Variants in NCAPH observed in about 807,000 individuals in gnomAD.
NCAPH encodes condensin complex subunit 2.
NCAPH carries 38 observed loss-of-function variants against 85.5 expected under a neutral mutation model. The observed-to-expected ratio is 0.44, with a 90% CI of 0.34 to 0.58. NCAPH has a LOEUF of 0.58. Ranked by LOEUF, NCAPH falls within the 20% of genes least tolerant of loss-of-function variation. The probability of loss-of-function intolerance (pLI) is 0.01; values close to 1 mark genes in which losing one functional copy is unlikely to be tolerated. For missense variants in NCAPH, 789 were observed against 916.6 expected (o/e 0.86, Z 1.80); for synonymous variants, 301 against 335.1 (o/e 0.90, Z 1.11).
chr2:96,372,919 T>C (rs1270891076), intron 17 of NCAPH, among the ~76,000 whole-genome samples: 1 of 152,130 alleles, frequency 6.6e-6, no homozygotes, highest in Non-Finnish European at 1.5e-5. Flanking sequence ...CCGGGGGCCT[T>C]GGAACACCCC....
chr2:96,368,150 C>A (rs2064724765), intron 15 of NCAPH, among the ~76,000 whole-genome samples: 1 of 152,148 alleles, frequency 6.6e-6, no homozygotes, highest in African/African-American at 2.4e-5. Context: ...GAGTTTAGAC[C>A]TTCTGTAGCT....
chr2:96,366,718 AATACAAAAATT>A, intron 14 of NCAPH, among the ~76,000 whole-genome samples: 2 of 152,078 alleles, frequency 1.3e-5, no homozygotes. Context: ...CTTTAATAAA[AATACAAAAATT>A]AGCTGGGCAT....
intron 17 of NCAPH, among the ~76,000 whole-genome samples, chr2:96,371,280 C>T (rs142584932): frequency 1.8e-4 from 28 of 152,196 alleles, no homozygotes; most frequent in Non-Finnish European, 3.1e-4. Flanking sequence ...GGTCTCCTAG[C>T]ACATCAGGCT....
At position 96,354,187 on chromosome 2, in the gene NCAPH, T is replaced by C; in HGVS notation, c.1007T>C (p.Val336Ala). The C allele has an allele frequency of 6.2e-7, 1 of 1,613,460 alleles. No individual in the cohort carries two copies. The highest frequency in any genetic ancestry group is 8.5e-7 in the Non-Finnish European group (1 of 1,179,760). Residue 336 changes from valine to alanine, a missense_variant, in exon 9 of 18, where the codon GTG (valine) becomes GCG (alanine). Coordinates refer to ENST00000240423, the MANE Select transcript of NCAPH (RefSeq NM_015341.5). ...QWDSETHNES[V>A]SALVDKFKKN... Reference sequence around the variant, plus strand: ...AACCCTCTTTTGTCCCTCCAGTCTGTGTCGGCCCTGGTAGACAAGTTTAAG... The same window carrying C: ...AACCCTCTTTTGTCCCTCCAGTCTGCGTCGGCCCTGGTAGACAAGTTTAAG...
chr2:96,344,074 T>C (rs576396549), intron 5 of NCAPH, 31 bp from the exon 6 acceptor site: 1 of 1,596,144 alleles, frequency 6.3e-7, no homozygotes, highest in African/African-American at 1.4e-5. Context: ...AAAGCAGCCC[T>C]TGCAGTACGC....
At chr2:96,365,817 G>C in intron 13 of NCAPH, 59 bp from the exon 14 acceptor site, 1 of 1,536,936 alleles carries the variant, frequency 6.5e-7, no homozygotes, top group Non-Finnish European at 9.0e-7. Flanking sequence ...TCTATTTCAA[G>C]GGTGTTTCTG....
chr2:96,336,550 G>C (rs1233980074), intron 1 of NCAPH, among the ~76,000 whole-genome samples: 1 of 152,226 alleles, frequency 6.6e-6, no homozygotes, highest in Non-Finnish European at 1.5e-5. Context: ...TTGTGACCAA[G>C]CTTAGTGAGG....
chr2:96,364,180 T>G (rs937096656), intron 12 of NCAPH, among the ~76,000 whole-genome samples: 5 of 152,214 alleles, frequency 3.3e-5, no homozygotes, highest in African/African-American at 1.2e-4. Context: ...TTTCCAACTT[T>G]TGTTTTTAGT....
At position 96,358,796 on chromosome 2, in the gene NCAPH, T is replaced by C. The variant is rs549625695; in HGVS notation, c.1209-249T>C. ...AGAATTCTCTTTACTTTTGTCATCT[T>C]GTCTCTCAAATTAGGTAGACTAGCA... On this transcript the variant is annotated intron_variant, in intron 9 of 17. Coordinates refer to ENST00000240423, the MANE Select transcript of NCAPH (RefSeq NM_015341.5). Among the ~76,000 whole-genome samples, 9 of 152,320 alleles carry C rather than the reference T, an allele frequency of 5.9e-5. No homozygotes were observed. In the South Asian group the frequency reaches 1.9e-3, roughly 32 times the overall value.
intron 12 of NCAPH, among the ~76,000 whole-genome samples, chr2:96,362,235 A>C (rs575877802): frequency 3.3e-5 from 5 of 151,026 alleles, no homozygotes; most frequent in Admixed American, 2.6e-4. Flanking sequence ...AGCAAAACAA[A>C]AAAAAAATTG....
chr2:96,344,784 T>C (rs1009390062), intron 6 of NCAPH, among the ~76,000 whole-genome samples: 3 of 152,232 alleles, frequency 2.0e-5, no homozygotes, highest in African/African-American at 7.2e-5. Flanking sequence ...TCATCTATAA[T>C]TAGCACAGTT....
intron 7 of NCAPH, among the ~76,000 whole-genome samples, 173 bp from the exon 8 acceptor site, chr2:96,353,133 A>C (rs1188525200): frequency 6.6e-6 from 1 of 152,262 alleles, no homozygotes; most frequent in Non-Finnish European, 1.5e-5. Flanking sequence ...CAGAAGAGGC[A>C]GGGACACAGA....
In NCAPH at chr2:96,354,295, A is replaced by G; in HGVS notation, c.1115A>G (p.Asp372Gly). The G allele has an allele frequency of 6.2e-7, 1 of 1,614,062 alleles. No homozygotes were observed. Among genetic ancestry groups the G allele is most frequent in the Non-Finnish European group, 8.5e-7 (1 of 1,179,998 alleles). The change falls in exon 9 of 18, where the codon GAC (aspartate) becomes GGC (glycine). Residue 372 changes from aspartate to glycine, a missense_variant. Asp to Gly is a moderately conservative substitution (Grantham distance 94, BLOSUM62 -1). Transcript: ENST00000240423. ...TTCCCCGATGGGTCCCTGGGGGATG[A>G]CTTTGATGCCAACGATGAACCTGAC... ...GDFPDGSLGDDFDANDEPDHT... is the reference protein window; with the variant it reads ...GDFPDGSLGDGFDANDEPDHT...
intron 6 of NCAPH, among the ~76,000 whole-genome samples, chr2:96,344,852 A>G (rs926315867): frequency 2.0e-5 from 3 of 152,242 alleles, no homozygotes; most frequent in Non-Finnish European, 2.9e-5. Context: ...CATTAAAAAC[A>G]TTGTTTCAGT....
At chr2:96,345,869 T>A (rs1024636855) in intron 6 of NCAPH, among the ~76,000 whole-genome samples, 1 of 152,222 alleles carries the variant, frequency 6.6e-6, no homozygotes, top group Admixed American at 6.5e-5. Flanking sequence ...ATTTTTTTTA[T>A]GATAAATGGG....
rs939066659 is a variant in NCAPH, at chr2:96,374,554, G to A, written c.*1203G>A. Among the ~76,000 whole-genome samples, 8 of 152,254 alleles carry A rather than the reference G, an allele frequency of 5.3e-5. No individual in the cohort carries two copies. The highest frequency in any genetic ancestry group is 2.1e-4 in the South Asian group (1 of 4,820). ...GCCAGAAGCAGTGAAGTATATAATT[G>A]GAAATTGCTCCTGATAATAACTTCC... On this transcript the variant is annotated 3_prime_UTR_variant, in exon 18 of 18. Coordinates refer to ENST00000240423, the MANE Select transcript of NCAPH (RefSeq NM_015341.5).
At chr2:96,369,136 A>G (rs1415451105) in intron 16 of NCAPH, 73 bp downstream of exon 16, 2 of 1,383,340 alleles carry the variant, frequency 1.4e-6, no homozygotes, top group Admixed American at 2.1e-5. Flanking sequence ...GGCCTTCCAC[A>G]CACAACCTGT....
chr2:96,339,063 G>A (rs1008660651), intron 1 of NCAPH, among the ~76,000 whole-genome samples: 4 of 152,154 alleles, frequency 2.6e-5, no homozygotes, highest in South Asian at 4.1e-4. Flanking sequence ...TGCTCGCCTC[G>A]GCCTCCCAAA....
At chr2:96,358,931 G>T in intron 9 of NCAPH, 114 bp from the exon 10 acceptor site, 1 of 965,426 alleles carries the variant, frequency 1.0e-6, no homozygotes, top group Non-Finnish European at 1.5e-6. Context: ...TATTAATAAT[G>T]AAGTTATTTG....
Sources: gnomAD v4.1 joint callset for allele counts (sites outside exome capture counted in the v4.1 genomes callset) on GRCh38, gnomAD v4.1.1 for gene constraint, MANE v1.5 for transcripts, NCBI Gene and HGNC (gene_info 2026-07-23, HGNC 2026-07-21) for gene names.